The following OCIAD1 variants were observed in gnomAD, a reference collection of about 807,000 sequenced individuals.
The protein encoded by OCIAD1 is OCIA domain containing 1.
In OCIAD1, 29 loss-of-function variants were observed where a neutral mutation model predicts 38.9. The observed-to-expected ratio is 0.74, with a 90% CI of 0.55 to 1.02. The LOEUF is 1.02. OCIAD1 is among the 50% of genes least tolerant of loss of function. OCIAD1 has a pLI of 0.00. For synonymous variants in OCIAD1, 110 were observed against 92.0 expected, an observed-to-expected ratio of 1.20 and a Z score of -1.12; for missense variants, 288 against 289.6, an observed-to-expected ratio of 0.99 and a Z score of 0.04.
intron 7 of OCIAD1, among the ~76,000 whole-genome samples, chr4:48,854,148 TGGG>T (rs1362406593): frequency 1.3e-5 from 2 of 152,162 alleles, no homozygotes; most frequent in African/African-American, 4.8e-5. Flanking sequence ...CCCTTATCCA[TGGG>T]GGATAAGTTC....
intron 2 of OCIAD1, 77 bp downstream of exon 2, chr4:48,832,759 C>T: frequency 1.8e-6 from 2 of 1,088,910 alleles, no homozygotes; most frequent in Middle Eastern, 2.0e-4. Context: ...GTAACAGTGG[C>T]AGGTGGGCTG....
intron 5 of OCIAD1, among the ~76,000 whole-genome samples, chr4:48,849,366 G>A (rs1779232443): frequency 6.6e-6 from 1 of 152,038 alleles, no homozygotes; most frequent in African/African-American, 2.4e-5. Flanking sequence ...AGTACCTGAG[G>A]CTTTTCATGA....
At chr4:48,839,517 A>G (rs1212456750) in intron 3 of OCIAD1, among the ~76,000 whole-genome samples, 2 of 151,710 alleles carry the variant, frequency 1.3e-5, no homozygotes, top group Non-Finnish European at 2.9e-5. Flanking sequence ...TAGCTGTGAG[A>G]TTTTGGACAA....
chr4:48,833,579 A>G lies in OCIAD1; in HGVS notation c.139+98A>G, dbSNP rs1020552928. ...TGAAATTATAATAACTCCGTATAGA[A>G]CAAATTGGCAAACTTTTTGCATAGT... On this transcript the variant is annotated intron_variant, in intron 3 of 8. Transcript: ENST00000264312. 15 of 709,976 alleles carry G rather than the reference A, an allele frequency of 2.1e-5. No individual in the cohort carries two copies. In the Admixed American group the frequency reaches 4.3e-4, roughly 21 times the overall value. 44.0% of individuals were successfully genotyped at this position (709,976 alleles called of 1,614,324 possible).
At chr4:48,857,399 G>A in intron 8 of OCIAD1, 34 bp downstream of exon 8, 1 of 1,410,272 alleles carries the variant, frequency 7.1e-7, no homozygotes, top group Non-Finnish European at 9.4e-7. Flanking sequence ...CTTTACTGTT[G>A]AGGATTGGAA....
intron 4 of OCIAD1, among the ~76,000 whole-genome samples, chr4:48,845,099 T>C (rs1200425950): frequency 6.6e-6 from 1 of 152,164 alleles, no homozygotes; most frequent in East Asian, 1.9e-4. Context: ...CTTCCTGATC[T>C]GCCAAAACCA....
intron 5 of OCIAD1, among the ~76,000 whole-genome samples, chr4:48,849,153 C>T (rs1176255195): frequency 6.6e-5 from 10 of 151,854 alleles, no homozygotes; most frequent in East Asian, 3.9e-4. Flanking sequence ...TGTGGGGTGA[C>T]GGGAGTGGGG....
In OCIAD1 at chr4:48,861,274, GGTTTTATT is replaced by G. The variant is rs1780578002; in HGVS notation, c.*517_*524del. On this transcript the variant is annotated 3_prime_UTR_variant, in exon 9 of 9. Transcript: ENST00000264312. ...CAGCCCTCATCTTCCTTGATTTTAT[GGTTTTATT>G]GTTTGTAATTTATTGATTTATTTTT... 6.6e-6 allele frequency: 1 copy of G among 152,154 alleles called. No homozygotes were observed. The highest frequency in any genetic ancestry group is 6.6e-5 in the Admixed American group (1 of 15,248). The allele number at this position is 152,154 out of a possible 1,614,324, so 9.4% of individuals were successfully genotyped here. A position where few individuals can be genotyped will look rare whatever the true frequency, so the allele number is the denominator to read the frequency against.
Position 48,831,264 on chromosome 4 carries a change from G to T in OCIAD1, c.-6+15G>T, listed in dbSNP as rs1170499830. ...GTCGTCGGGAGGTGGGTGAGGTGACGCAAACAGCCCCGTTGTTGCCCTCCG... is the reference window on the plus strand; with the variant it reads ...GTCGTCGGGAGGTGGGTGAGGTGACTCAAACAGCCCCGTTGTTGCCCTCCG... On this transcript the variant is annotated intron_variant, in intron 1 of 8. Transcript: ENST00000264312. 1 of 344,604 alleles carries T rather than the reference G, an allele frequency of 2.9e-6. No homozygotes were observed. Among genetic ancestry groups the T allele is most frequent in the Admixed American group, 3.9e-5 (1 of 25,564 alleles). The allele number at this position is 344,604 out of a possible 1,614,324, so 21.3% of individuals were successfully genotyped here. A position where few individuals can be genotyped will look rare whatever the true frequency, so the allele number is the denominator to read the frequency against.
intron 1 of OCIAD1, among the ~76,000 whole-genome samples, chr4:48,817,273 A>G (rs1777152703): frequency 6.6e-6 from 1 of 152,192 alleles, no homozygotes. Flanking sequence ...CGGTTTTTGC[A>G]ATCTGCAGAT....
At chr4:48,813,251 T>C (rs1777108855) in intron 1 of OCIAD1, among the ~76,000 whole-genome samples, 1 of 152,230 alleles carries the variant, frequency 6.6e-6, no homozygotes, top group Admixed American at 6.5e-5. Flanking sequence ...CGTGATACTG[T>C]TGATATGGTG....
At chr4:48,832,549 A>G in intron 1 of OCIAD1, 71 bp from the exon 2 acceptor site, 1 of 1,118,762 alleles carries the variant, frequency 8.9e-7, no homozygotes, top group Non-Finnish European at 1.4e-6. Context: ...TTACTATATC[A>G]TACGTCTTGA....
chr4:48,805,610 G>A (rs1262893125), intron 1 of OCIAD1, among the ~76,000 whole-genome samples: 2 of 151,770 alleles, frequency 1.3e-5, no homozygotes, highest in East Asian at 3.9e-4. Context: ...CTTGAGCCTG[G>A]TAGTTCAAGA....
intron 8 of OCIAD1, among the ~76,000 whole-genome samples, chr4:48,858,971 A>G (rs913102117): frequency 6.6e-6 from 1 of 152,230 alleles, no homozygotes; most frequent in Non-Finnish European, 1.5e-5. Context: ...TTTTCTCTTA[A>G]GGAATTTCAG....
intron 5 of OCIAD1, among the ~76,000 whole-genome samples, chr4:48,848,937 C>T (rs1378045605): frequency 6.6e-6 from 1 of 151,950 alleles, no homozygotes; most frequent in Non-Finnish European, 1.5e-5. Flanking sequence ...AAATGTGGCA[C>T]ATATACACCA....
chr4:48,809,725 A>C (rs1404435719), intron 1 of OCIAD1, among the ~76,000 whole-genome samples: 1 of 152,056 alleles, frequency 6.6e-6, no homozygotes, highest in Admixed American at 6.6e-5. Context: ...GTTGGTGCAT[A>C]TGCTGCACTT....
chr4:48,854,381 CTGTT>C (rs1779817360), intron 7 of OCIAD1, among the ~76,000 whole-genome samples: 1 of 152,112 alleles, frequency 6.6e-6, no homozygotes, highest in African/African-American at 2.4e-5. Flanking sequence ...AATTTATGAA[CTGTT>C]TATTTCTGGA....
At chr4:48,813,584 G>A (rs746036475) in intron 1 of OCIAD1, among the ~76,000 whole-genome samples, 3 of 152,242 alleles carry the variant, frequency 2.0e-5, no homozygotes, top group Non-Finnish European at 4.4e-5. Flanking sequence ...AGCCGGGGAG[G>A]TGGAGGTTGC....
At chr4:48,826,038 G>A (rs1434859181) in intron 1 of OCIAD1, among the ~76,000 whole-genome samples, 1 of 151,788 alleles carries the variant, frequency 6.6e-6, no homozygotes, top group African/African-American at 2.4e-5. Context: ...GGGTTTCGCC[G>A]TGTTGGCCAG....
Sources: gnomAD v4.1 joint callset for allele counts (sites outside exome capture counted in the v4.1 genomes callset) on GRCh38, gnomAD v4.1.1 for gene constraint, MANE v1.5 for transcripts, NCBI Gene and HGNC (gene_info 2026-07-23, HGNC 2026-07-21) for gene names.